PCGF5: variants seen among roughly 807,000 people sequenced by gnomAD.
PCGF5 encodes the protein polycomb group ring finger 5.
PCGF5 carries 9 observed loss-of-function variants against 44.3 expected under a neutral mutation model. That is an observed-to-expected ratio of 0.20 (90% confidence interval 0.12 to 0.35). The LOEUF (loss-of-function observed/expected upper bound fraction) is 0.35. PCGF5 is among the 10% of genes least tolerant of loss of function. The pLI is 1.00. For synonymous variants in PCGF5, 95 were observed against 102.5 expected (o/e 0.93, Z 0.44); for missense variants, 146 against 305.3 (o/e 0.48, Z 3.89).
At chr10:91,193,653 T>C (rs1273526395) in intron 1 of PCGF5, among the ~76,000 whole-genome samples, 21 of 152,098 alleles carry the variant, frequency 1.4e-4, no homozygotes, top group Non-Finnish European at 2.9e-5. Context: ...CTTTGGCTTT[T>C]GTTCCAAGTG....
At chr10:91,271,055 G>T (rs1846168797) in intron 8 of PCGF5, among the ~76,000 whole-genome samples, 1 of 150,232 alleles carries the variant, frequency 6.7e-6, no homozygotes. Context: ...CCAGTTCTGG[G>T]CCTTAGCTAT....
At chr10:91,176,025 G>A (rs1843700748) in intron 1 of PCGF5, among the ~76,000 whole-genome samples, 1 of 152,128 alleles carries the variant, frequency 6.6e-6, no homozygotes, top group Non-Finnish European at 1.5e-5. Context: ...TTACAATTTG[G>A]CATGTTTTTG....
intron 9 of PCGF5, among the ~76,000 whole-genome samples, chr10:91,273,516 G>A (rs891348383): frequency 6.6e-6 from 1 of 152,112 alleles, no homozygotes; most frequent in Admixed American, 6.5e-5. Flanking sequence ...CTCATTAATA[G>A]TCTTCATTAA....
chr10:91,207,462 C>A (rs960477906), intron 1 of PCGF5, among the ~76,000 whole-genome samples: 2 of 152,150 alleles, frequency 1.3e-5, no homozygotes, highest in Admixed American at 1.3e-4. Context: ...TTCAATGAAC[C>A]ATTTAAGAAT....
chr10:91,265,776 A>G (rs1846037338), intron 8 of PCGF5, among the ~76,000 whole-genome samples: 2 of 152,206 alleles, frequency 1.3e-5, no homozygotes, highest in African/African-American at 2.4e-5. Context: ...TTTGTAAATC[A>G]GAAGTTTTTT....
rs71479078 is a variant in PCGF5, at chr10:91,173,949, G to A, written c.-184+10868G>A. Among the ~76,000 whole-genome samples, 4 of 151,922 alleles carry A rather than the reference G, an allele frequency of 2.6e-5. No individual in the cohort carries two copies. In the East Asian group the frequency reaches 7.9e-4, roughly 30 times the overall value. ...CTGTCTTTAGAAGTAAAACAGCTAA[G>A]ACTCCAGTATTGATGATGATTTTGG... is the stretch of plus-strand genomic sequence containing the variant. On this transcript the variant is annotated intron_variant, in intron 1 of 9. Coordinates refer to the PCGF5 transcript ENST00000614189.
intron 7 of PCGF5, among the ~76,000 whole-genome samples, chr10:91,261,990 A>G (rs1845924299): frequency 6.6e-6 from 1 of 152,236 alleles, no homozygotes; most frequent in Admixed American, 6.5e-5. Flanking sequence ...CATGTGTTCC[A>G]TGTTTAGAGA....
chr10:91,227,523 C>A, intron 2 of PCGF5: 1 of 1,226,824 alleles, frequency 8.2e-7, no homozygotes, highest in Non-Finnish European at 1.0e-6. Context: ...TAATACTTCT[C>A]AAATCTGTCC....
At chr10:91,261,268 C>T (rs1845901999) in intron 6 of PCGF5, 58 bp from the exon 7 acceptor site, 1 of 1,386,926 alleles carries the variant, frequency 7.2e-7, no homozygotes, top group Non-Finnish European at 9.5e-7. Context: ...TCACCAGAAG[C>T]AAGATAGAAC....
the PCGF5 span, among the ~76,000 whole-genome samples, chr10:91,156,503 A>C: frequency 6.6e-6 from 1 of 152,200 alleles, no homozygotes; most frequent in Non-Finnish European, 1.5e-5. Flanking sequence ...AAGCAGAGCT[A>C]CACACAGAGA....
In PCGF5 at chr10:91,237,274, A is replaced by G. The variant is rs529330554; in HGVS notation, c.113-3210A>G. Among the ~76,000 whole-genome samples the G allele has an allele frequency of 3.3e-5, 5 of 152,350 alleles. No individual in the cohort carries two copies. The South Asian group carries it at 1.0e-3, about 32-fold the overall frequency. On this transcript the variant is annotated intron_variant, in intron 2 of 9. Transcript: ENST00000336126. ...ATATTTAAGATAATGCCTGGTACGT[A>G]AACCCATTAAGTGTTAACTATGATA...
At chr10:91,254,126 A>G (rs1474631360) in intron 6 of PCGF5, among the ~76,000 whole-genome samples, 2 of 151,926 alleles carry the variant, frequency 1.3e-5, no homozygotes, top group East Asian at 3.9e-4. Flanking sequence ...ACCCATTAGT[A>G]AATCGTCCTT....
chr10:91,256,516 CAG>C (rs1249635798), intron 6 of PCGF5, among the ~76,000 whole-genome samples: 3 of 151,938 alleles, frequency 2.0e-5, no homozygotes, highest in African/African-American at 4.8e-5. Flanking sequence ...GAAAAAAGGA[CAG>C]AAAGTATATT....
At chr10:91,233,877 G>T (rs1047295174) in intron 2 of PCGF5, among the ~76,000 whole-genome samples, 1 of 152,184 alleles carries the variant, frequency 6.6e-6, no homozygotes, top group Non-Finnish European at 1.5e-5. Flanking sequence ...ACACCTAAAA[G>T]ATTTTAACAA....
chr10:91,230,107 G>A (rs1219273059), intron 2 of PCGF5, among the ~76,000 whole-genome samples: 3 of 152,174 alleles, frequency 2.0e-5, no homozygotes, highest in Non-Finnish European at 4.4e-5. Flanking sequence ...AGCAAGGAAT[G>A]TTTAAATAGT....
At chr10:91,197,311 C>T (rs1019827212) in intron 1 of PCGF5, among the ~76,000 whole-genome samples, 6 of 152,106 alleles carry the variant, frequency 3.9e-5, no homozygotes, top group African/African-American at 1.4e-4. Context: ...CTCCTGGGCT[C>T]CTCGGGCACG....
intron 1 of PCGF5, among the ~76,000 whole-genome samples, chr10:91,198,313 A>G (rs959664096): frequency 1.3e-5 from 2 of 152,172 alleles, no homozygotes; most frequent in African/African-American, 4.8e-5. Flanking sequence ...GGAACCTTGG[A>G]CATCAGCATC....
chr10:91,178,708 C>T (rs10785994), intron 1 of PCGF5, among the ~76,000 whole-genome samples: 46,770 of 151,602 alleles, frequency 0.31, 9,051 homozygotes, highest in Non-Finnish European at 0.42. Context: ...TCATTTTAAA[C>T]GTAGTAGTAC....
intron 1 of PCGF5, among the ~76,000 whole-genome samples, chr10:91,213,025 C>T (rs977668738): frequency 5.3e-5 from 8 of 152,142 alleles, no homozygotes; most frequent in East Asian, 3.8e-4. Context: ...ACTTCCTAAG[C>T]GCTGCTCGTC....
Sources: gnomAD v4.1 joint callset for allele counts (sites outside exome capture counted in the v4.1 genomes callset) on GRCh38, gnomAD v4.1.1 for gene constraint, MANE v1.5 for transcripts, NCBI Gene and HGNC (gene_info 2026-07-23, HGNC 2026-07-21) for gene names.